The following SYNE1 variants were observed in gnomAD, a reference collection of about 807,000 sequenced individuals.
The protein encoded by SYNE1 is spectrin repeat containing nuclear envelope protein 1, also known as nesprin-1.
A neutral mutation model predicts 1,111.0 loss-of-function variants in SYNE1; 616 were observed. The observed-to-expected ratio is 0.55, with a 90% CI of 0.52 to 0.59. SYNE1 has a LOEUF of 0.59. Ranked by LOEUF, SYNE1 falls within the 20% of genes least tolerant of loss-of-function variation. The pLI, the probability that SYNE1 is intolerant of heterozygous loss-of-function variation, is 0.00. For missense variants in SYNE1, 10,006 were observed against 10,417.0 expected, an observed-to-expected ratio of 0.96 and a Z score of 1.72; for synonymous variants, 3,855 against 3,825.8, an observed-to-expected ratio of 1.01 and a Z score of -0.28.
rs1554768245 is a variant in SYNE1 at position 152,472,394 on chromosome 6, TC to T, written c.1369del (p.Asp457MetfsTer26). On this transcript the variant is annotated frameshift_variant, in exon 15 of 146. Coordinates refer to ENST00000367255, the MANE Select transcript of SYNE1 (RefSeq NM_182961.4). LOFTEE classifies it high-confidence loss of function. Reference sequence around the variant, plus strand: ...TTCATGGAATGCTCTTTTGTGGGCATCCGTGTTTTGAAGCAGATCCTAAGAT... The same window carrying T: ...TTCATGGAATGCTCTTTTGTGGGCATCGTGTTTTGAAGCAGATCCTAAGAT... Reference protein sequence around the residue: ...EQHKDLLQNTDAHKRAFHEIY... With the variant: ...EQHKDLLQNTXAHKRAFHEIY... 2 of 1,613,568 alleles carry T rather than the reference TC, an allele frequency of 1.2e-6. No homozygotes were observed. The highest frequency in any genetic ancestry group is 2.7e-5 in the African/African-American group (2 of 74,746).
intron 87 of SYNE1, among the ~76,000 whole-genome samples, chr6:152,313,927 A>G (rs1219966977): frequency 6.6e-6 from 1 of 152,122 alleles, no homozygotes; most frequent in Admixed American, 6.5e-5. Flanking sequence ...TGCTCGAGTC[A>G]TAGAAACCTG....
At chr6:152,425,134 C>A (rs572772937) in intron 39 of SYNE1, among the ~76,000 whole-genome samples, 1 of 152,306 alleles carries the variant, frequency 6.6e-6, no homozygotes, top group Middle Eastern at 3.4e-3. Flanking sequence ...ATCCTACCGT[C>A]TTTAATCTAT....
chr6:152,391,245 A>G, intron 52 of SYNE1, 32 bp downstream of exon 52: 1 of 1,613,256 alleles, frequency 6.2e-7, no homozygotes, highest in Non-Finnish European at 8.5e-7. Context: ...AGCATTCAGC[A>G]GTTGTCAGTG....
chr6:152,376,635 A>G (rs2097286822), intron 57 of SYNE1, 77 bp from the exon 58 acceptor site: 2 of 1,582,624 alleles, frequency 1.3e-6, no homozygotes, highest in South Asian at 2.2e-5. Flanking sequence ...TAGAATCACC[A>G]GTTCTTAGAA....
intron 20 of SYNE1, chr6:152,462,427 A>G (rs923858675): frequency 2.1e-6 from 1 of 469,406 alleles, no homozygotes. Context: ...TAAATCCTTT[A>G]TTATTGAAAG....
intron 145 of SYNE1, among the ~76,000 whole-genome samples, chr6:152,123,912 C>T (rs2052369016): frequency 6.6e-6 from 1 of 152,072 alleles, no homozygotes; most frequent in Admixed American, 6.5e-5. Context: ...ACAGACTACC[C>T]TAATATCGGT....
At chr6:152,360,200 T>C (rs765358884) in intron 64 of SYNE1, among the ~76,000 whole-genome samples, 2 of 152,180 alleles carry the variant, frequency 1.3e-5, no homozygotes, top group African/African-American at 2.4e-5. Flanking sequence ...TGGAAAATCC[T>C]CAGAGCAGCT....
In SYNE1 at chr6:152,447,471, G is replaced by A. The variant is rs767097288; in HGVS notation, c.3656C>T (p.Thr1219Met). Reference protein sequence around the residue: ...KLSSSFKALVTLLSEVEKMLS... With the variant: ...KLSSSFKALVMLLSEVEKMLS... ...TAAATGCTGTACCTCTGACAGCAGC[G>A]TCACAAGAGCCTTGAAAGAGCTGGA... Residue 1219 changes from threonine (T) to methionine (M), a missense_variant, in exon 29 of 146, where the codon ACG becomes ATG. This residue lies in a region of SYNE1 where 1,971 missense variants were observed against 2,084.1 expected (regional missense o/e 0.95). Coordinates refer to ENST00000367255, the MANE Select transcript of SYNE1 (RefSeq NM_182961.4). The A allele has an allele frequency of 4.0e-5, 64 of 1,614,152 alleles. 1 individual carries two copies. In the South Asian group the frequency reaches 5.1e-4, roughly 13 times the overall value.
chr6:152,376,706 A>G, intron 57 of SYNE1, 70 bp downstream of exon 57: 2 of 1,598,250 alleles, frequency 1.3e-6, no homozygotes, highest in Non-Finnish European at 8.5e-7. Context: ...TTGAAATTAC[A>G]CCTTAAAATA....
chr6:152,375,104 C>G (rs1563493370), intron 58 of SYNE1, among the ~76,000 whole-genome samples: 1 of 151,908 alleles, frequency 6.6e-6, no homozygotes, highest in Non-Finnish European at 1.5e-5. Flanking sequence ...CCACGCTTGG[C>G]TAATTTTTGT....
At chr6:152,341,188 A>T (rs1477812946) in intron 74 of SYNE1, among the ~76,000 whole-genome samples, 2 of 152,208 alleles carry the variant, frequency 1.3e-5, no homozygotes, top group East Asian at 1.9e-4. Context: ...GAACTATGGT[A>T]TTGTGAGTCA....
At chr6:152,500,200 T>C (rs1330082460) in intron 10 of SYNE1, among the ~76,000 whole-genome samples, 1 of 152,198 alleles carries the variant, frequency 6.6e-6, no homozygotes, top group Non-Finnish European at 1.5e-5. Context: ...CTGTGCTATA[T>C]GAGGTAAGTC....
At chr6:152,466,219 C>T in intron 16 of SYNE1, 141 bp from the exon 17 acceptor site, 1 of 634,336 alleles carries the variant, frequency 1.6e-6, no homozygotes. Context: ...AAATTAATTC[C>T]ACTGCTACAA....
chr6:152,287,227 A>G (rs1438994262), intron 95 of SYNE1, among the ~76,000 whole-genome samples: 1 of 152,156 alleles, frequency 6.6e-6, no homozygotes, highest in Non-Finnish European at 1.5e-5. Flanking sequence ...TACAAACCAC[A>G]TAAACTTAAT....
At chr6:152,282,132 C>A in intron 96 of SYNE1, 152 bp from the exon 97 acceptor site, 3 of 740,570 alleles carry the variant, frequency 4.1e-6, no homozygotes, top group East Asian at 2.7e-5. Flanking sequence ...CATCCCAGAA[C>A]AACAATCAGA....
chr6:152,254,735 T>C, intron 104 of SYNE1, 145 bp downstream of exon 104: 1 of 837,700 alleles, frequency 1.2e-6, no homozygotes, highest in Admixed American at 2.3e-5. Context: ...ATCCTTTAAT[T>C]CAACCCCCTT....
chr6:152,500,457 T>C (rs1233948397), intron 10 of SYNE1, among the ~76,000 whole-genome samples: 6 of 152,220 alleles, frequency 3.9e-5, no homozygotes, highest in East Asian at 3.8e-4. Flanking sequence ...CCTGAACTTA[T>C]TGTTTTTAAG....
rs1235798617 is a variant in SYNE1 at position 152,513,226 on chromosome 6, A to AT, written c.310-2124dup. On this transcript the variant is annotated intron_variant, in intron 6 of 145. Coordinates refer to ENST00000367255, the MANE Select transcript of SYNE1 (RefSeq NM_182961.4). ...AGAGGCTTGAATGGAATGAATTATTATTTGTGTCCCTCCAAAATTCATATT... is the reference window on the plus strand; with the variant it reads ...AGAGGCTTGAATGGAATGAATTATTATTTTGTGTCCCTCCAAAATTCATATT... Among the ~76,000 whole-genome samples, 29 of 152,294 alleles carry AT rather than the reference A, an allele frequency of 1.9e-4. No individual in the cohort carries two copies. The South Asian group carries it at 4.4e-3, about 23-fold the overall frequency.
rs756232172 is a variant in SYNE1 at position 152,391,580 on chromosome 6, GA to G, written c.7713-13del. 62,052 of 1,213,740 alleles carry G rather than the reference GA, an allele frequency of 0.051. 73 individuals carry two copies. Among genetic ancestry groups the G allele is most frequent in the Admixed American group, 0.077 (2,927 of 38,186 alleles). 75.2% of individuals were successfully genotyped at this position (1,213,740 alleles called of 1,614,324 possible). ...TATCAAGAGACTCTCTGAAAAAAAG[GA>G]AAAAAAAAAAAAAGAAAAAAAATTA... is the stretch of plus-strand genomic sequence containing the variant. On this transcript the variant is annotated splice_polypyrimidine_tract_variant and intron_variant, in intron 51 of 145. Transcript: ENST00000367255.
Sources: allele counts gnomAD v4.1 joint callset (sites outside exome capture counted in the v4.1 genomes callset), GRCh38; gene constraint gnomAD v4.1.1; regional missense constraint gnomAD v4.1.1; transcripts MANE v1.5; gene names NCBI Gene and HGNC (gene_info 2026-07-23, HGNC 2026-07-21).